The following SYCP1 variants were observed in gnomAD, a reference collection of about 807,000 sequenced individuals.
SYCP1 encodes the protein synaptonemal complex protein 1.
A neutral mutation model predicts 153.1 loss-of-function variants in SYCP1; 64 were observed. The ratio of observed to expected loss-of-function variants is 0.42; its 90% CI spans 0.34 to 0.51. SYCP1 has a LOEUF of 0.51. Ranked by LOEUF, SYCP1 falls within the 20% of genes least tolerant of loss-of-function variation. The pLI is 0.06. For missense variants in SYCP1, 997 were observed against 1,049.0 expected (o/e 0.95, Z 0.68); for synonymous variants, 384 against 341.8 (o/e 1.12, Z -1.36).
chr1:114,977,708 A>C lies in SYCP1; in HGVS notation c.2382+92A>C, dbSNP rs948523002. 4.0e-6 allele frequency: 3 copies of C among 755,308 alleles called. No individual in the cohort carries two copies. In the African/African-American group the frequency reaches 5.5e-5, roughly 14 times the overall value. 46.8% of individuals were successfully genotyped at this position (755,308 alleles called of 1,614,324 possible). On this transcript the variant is annotated intron_variant, in intron 28 of 31. Coordinates refer to ENST00000369522, the MANE Select transcript of SYCP1 (RefSeq NM_003176.4). The stretch of plus-strand genomic sequence containing the variant: ...TTTTTTGTTTATAAGTAGGAAAATA[A>C]CATTTTACATATATCATACAATTTC...
chr1:114,991,530 A>G (rs2335954), intron 30 of SYCP1, among the ~76,000 whole-genome samples: 74,823 of 151,698 alleles, frequency 0.49, 19,830 homozygotes, highest in Middle Eastern at 0.62. Flanking sequence ...AATAAACCAC[A>G]TTAATAGAGC....
chr1:114,890,064 A>G (rs1055834500), intron 15 of SYCP1, among the ~76,000 whole-genome samples: 4 of 152,234 alleles, frequency 2.6e-5, no homozygotes, highest in Non-Finnish European at 5.9e-5. Flanking sequence ...GTAGAGCAAT[A>G]TATTTTGACA....
chr1:114,878,381 G>A (rs916694572), intron 12 of SYCP1, among the ~76,000 whole-genome samples, 179 bp downstream of exon 12: 2 of 152,032 alleles, frequency 1.3e-5, no homozygotes, highest in African/African-American at 2.4e-5. Context: ...TAAAATACAT[G>A]TACTCTTCTT....
At chr1:114,985,028 C>T (rs1408756931) in intron 30 of SYCP1, among the ~76,000 whole-genome samples, 160 bp downstream of exon 30, 1 of 151,764 alleles carries the variant, frequency 6.6e-6, no homozygotes, top group Non-Finnish European at 1.5e-5. Flanking sequence ...GCTTTTGCAG[C>T]ATTTCAGAAA....
At chr1:114,994,443 T>C (rs1234723679) in intron 30 of SYCP1, among the ~76,000 whole-genome samples, 1 of 151,396 alleles carries the variant, frequency 6.6e-6, no homozygotes, top group Non-Finnish European at 1.5e-5. Context: ...AGCCTTTCAG[T>C]AATACAGTTA....
intron 14 of SYCP1, 87 bp downstream of exon 14, chr1:114,886,396 C>A: frequency 2.6e-6 from 3 of 1,151,950 alleles, no homozygotes; most frequent in South Asian, 2.0e-5. Flanking sequence ...TTTGCATTGC[C>A]AACTGATGTG....
At chr1:114,888,981 T>G (rs1195353447) in intron 15 of SYCP1, among the ~76,000 whole-genome samples, 1 of 152,172 alleles carries the variant, frequency 6.6e-6, no homozygotes, top group Non-Finnish European at 1.5e-5. Flanking sequence ...TTTGATATTT[T>G]TGCTGAGAAT....
chr1:114,926,666 T>TAACA (rs1669275157), intron 23 of SYCP1, 103 bp downstream of exon 23: 2 of 969,534 alleles, frequency 2.1e-6, no homozygotes, highest in African/African-American at 3.4e-5. Context: ...ATTTATACCA[T>TAACA]AACAGTATCA....
In SYCP1 at chr1:114,885,563, A is replaced by G; in HGVS notation, c.939A>G (p.Ser313=). 1 of 1,580,864 alleles carries G rather than the reference A, an allele frequency of 6.3e-7. No individual in the cohort carries two copies. The highest frequency in any genetic ancestry group is 8.6e-7 in the Non-Finnish European group (1 of 1,160,424). The change falls in exon 13 of 32, where the codon TCA becomes TCG. Residue 313 remains serine (S), a synonymous_variant. Transcript: ENST00000369522. ...TKLQSENLKQ[S]IEKQHHLTKE... The stretch of plus-strand genomic sequence containing the variant: ...TACAGAGTGAAAACTTAAAACAATC[A>G]ATTGAGAAACAGCATCATTTGACTA...
At chr1:114,857,045 G>T (rs1231538857) in intron 3 of SYCP1, among the ~76,000 whole-genome samples, 187 bp from the exon 4 acceptor site, 1 of 144,248 alleles carries the variant, frequency 6.9e-6, no homozygotes, top group Non-Finnish European at 1.5e-5. Context: ...GATCATTTGA[G>T]CCCTAGAGAT....
intron 15 of SYCP1, among the ~76,000 whole-genome samples, chr1:114,892,613 G>C (rs2101583334): frequency 6.6e-6 from 1 of 152,214 alleles, no homozygotes; most frequent in South Asian, 2.1e-4. Flanking sequence ...GGTGACATGG[G>C]ATTGATGCCA....
chr1:114,983,590 G>C (rs1262765962), intron 29 of SYCP1, among the ~76,000 whole-genome samples: 2 of 151,936 alleles, frequency 1.3e-5, no homozygotes, highest in Non-Finnish European at 2.9e-5. Context: ...TCTGTCTGGT[G>C]GTTGCCAGGC....
At chr1:114,933,611 A>G (rs1238757466) in intron 23 of SYCP1, among the ~76,000 whole-genome samples, 1 of 152,216 alleles carries the variant, frequency 6.6e-6, no homozygotes, top group Non-Finnish European at 1.5e-5. Context: ...TCTCCGAGCT[A>G]AAGGAGGATG....
At chr1:114,947,655 T>A (rs1670798872) in intron 27 of SYCP1, among the ~76,000 whole-genome samples, 1 of 150,620 alleles carries the variant, frequency 6.6e-6, no homozygotes, top group African/African-American at 2.4e-5. Context: ...CTACTAAAAA[T>A]ACAAAAAATT....
chr1:114,932,350 A>G (rs1669687329), intron 23 of SYCP1, among the ~76,000 whole-genome samples: 1 of 152,214 alleles, frequency 6.6e-6, no homozygotes, highest in Admixed American at 6.5e-5. Flanking sequence ...TTGAAACTCA[A>G]TAATAAAAAA....
chr1:114,951,781 C>T (rs1010823913), intron 27 of SYCP1, among the ~76,000 whole-genome samples: 5 of 152,128 alleles, frequency 3.3e-5, no homozygotes, highest in African/African-American at 1.2e-4. Context: ...CCTCATATTG[C>T]CCTTTTATAG....
chr1:114,952,587 AT>A (rs1215788852), intron 27 of SYCP1, among the ~76,000 whole-genome samples: 1 of 152,174 alleles, frequency 6.6e-6, no homozygotes, highest in Non-Finnish European at 1.5e-5. Flanking sequence ...AGGATAATGA[AT>A]GCCAAGCAAA....
At chr1:114,972,378 C>T (rs563501706) in intron 27 of SYCP1, among the ~76,000 whole-genome samples, 5 of 151,654 alleles carry the variant, frequency 3.3e-5, no homozygotes, top group South Asian at 2.1e-4. Flanking sequence ...CTTTTTGTTT[C>T]GTTGATCTTT....
At chr1:114,913,790 T>C (rs2101683295) in intron 19 of SYCP1, among the ~76,000 whole-genome samples, 185 bp from the exon 20 acceptor site, 1 of 152,140 alleles carries the variant, frequency 6.6e-6, no homozygotes, top group African/African-American at 2.4e-5. Flanking sequence ...ATAGAGATTG[T>C]TGGGAGAATA....
Sources: allele counts gnomAD v4.1 joint callset (sites outside exome capture counted in the v4.1 genomes callset), GRCh38; gene constraint gnomAD v4.1.1; transcripts MANE v1.5; gene names NCBI Gene and HGNC (gene_info 2026-07-23, HGNC 2026-07-21).